The following RTN4IP1 variants were observed in gnomAD, a reference collection of about 807,000 sequenced individuals.
RTN4IP1 encodes NAD(P)H oxidoreductase RTN4IP1, mitochondrial.
A neutral mutation model predicts 46.6 loss-of-function variants in RTN4IP1; 32 were observed. The observed-to-expected ratio is 0.69, with a 90% CI of 0.52 to 0.92. The LOEUF is 0.92. Among genes scored for constraint, RTN4IP1 ranks in the 40% least tolerant of loss-of-function variants. The pLI is 0.00. For synonymous variants in RTN4IP1, 167 were observed against 161.8 expected, an observed-to-expected ratio of 1.03 and a Z score of -0.24; for missense variants, 424 against 485.8, an observed-to-expected ratio of 0.87 and a Z score of 1.20.
chr6:106,620,510 G>A (rs1229333578), intron 3 of RTN4IP1, among the ~76,000 whole-genome samples: 1 of 152,014 alleles, frequency 6.6e-6, no homozygotes, highest in Non-Finnish European at 1.5e-5. Flanking sequence ...ACCTCACAGG[G>A]GTAGGTGCAC....
chr6:106,610,407 A>G (rs923467789), intron 4 of RTN4IP1, among the ~76,000 whole-genome samples: 1 of 152,174 alleles, frequency 6.6e-6, no homozygotes, highest in Non-Finnish European at 1.5e-5. Flanking sequence ...TCGGTCTTCT[A>G]AAGTCTGAAG....
At chr6:106,597,236 A>G (rs1424775910) in intron 5 of RTN4IP1, among the ~76,000 whole-genome samples, 3 of 152,170 alleles carry the variant, frequency 2.0e-5, no homozygotes, top group African/African-American at 7.2e-5. Flanking sequence ...TATTGTTTTA[A>G]TATGGGTTCA....
intron 8 of RTN4IP1, 37 bp from the exon 9 acceptor site, chr6:106,572,140 G>T: frequency 6.7e-7 from 1 of 1,496,194 alleles, no homozygotes; most frequent in Non-Finnish European, 9.3e-7. Context: ...GGATAAAAAA[G>T]CCTACATCTT....
At chr6:106,583,477 T>G (rs1775417001) in intron 7 of RTN4IP1, 57 bp from the exon 8 acceptor site, 2 of 1,409,218 alleles carry the variant, frequency 1.4e-6, no homozygotes, top group East Asian at 4.7e-5. Flanking sequence ...TCTGACTAAA[T>G]GCAGATTTAG....
intron 4 of RTN4IP1, among the ~76,000 whole-genome samples, chr6:106,604,229 T>C (rs544245424): frequency 2.0e-5 from 3 of 152,318 alleles, no homozygotes; most frequent in East Asian, 3.9e-4. Context: ...CCCTTATTTA[T>C]AGCTTAACAG....
At chr6:106,629,754 C>T, upstream of RTN4IP1, 2 of 1,579,986 alleles carry the variant, frequency 1.3e-6, no homozygotes, top group South Asian at 1.2e-5. Flanking sequence ...GAAAGTTTAA[C>T]GGACTTCGTT....
chr6:106,614,689 C>T (rs572589119), intron 4 of RTN4IP1, among the ~76,000 whole-genome samples: 1 of 152,142 alleles, frequency 6.6e-6, no homozygotes, highest in Non-Finnish European at 1.5e-5. Context: ...AAGTGTTCAA[C>T]AATGCCAGCT....
chr6:106,620,342 A>T (rs1187108712), intron 3 of RTN4IP1, among the ~76,000 whole-genome samples: 1 of 152,086 alleles, frequency 6.6e-6, no homozygotes, highest in Admixed American at 6.5e-5. Flanking sequence ...TGACCTTGTG[A>T]TCCACGCACC....
At chr6:106,630,113 A>G (rs1030200211), upstream of RTN4IP1, among the ~76,000 whole-genome samples, 1 of 152,074 alleles carries the variant, frequency 6.6e-6, no homozygotes, top group Non-Finnish European at 1.5e-5. Flanking sequence ...TCAAATGAGT[A>G]ATTTTTGGCT....
At chr6:106,585,933 G>C (rs538970189) in intron 7 of RTN4IP1, among the ~76,000 whole-genome samples, 1 of 152,318 alleles carries the variant, frequency 6.6e-6, no homozygotes, top group South Asian at 2.1e-4. Context: ...TCTGGGTTTT[G>C]TGAAAGAGAA....
intron 7 of RTN4IP1, among the ~76,000 whole-genome samples, chr6:106,586,623 T>C: frequency 6.6e-6 from 1 of 152,108 alleles, no homozygotes; most frequent in South Asian, 2.1e-4. Context: ...TCCTCCCATC[T>C]CCACCTCCCA....
intron 5 of RTN4IP1, 83 bp from the exon 6 acceptor site, chr6:106,592,383 C>G (rs1446377395): frequency 7.2e-7 from 1 of 1,394,128 alleles, no homozygotes; most frequent in African/African-American, 1.5e-5. Context: ...ATCATTGGCA[C>G]CATGTATACA....
chr6:106,584,359 G>C (rs1775437530), intron 7 of RTN4IP1, among the ~76,000 whole-genome samples: 1 of 152,192 alleles, frequency 6.6e-6, no homozygotes, highest in Non-Finnish European at 1.5e-5. Flanking sequence ...TGGGAGCAAT[G>C]TGAGGTAGCA....
intron 5 of RTN4IP1, among the ~76,000 whole-genome samples, chr6:106,600,408 T>C (rs1775914174): frequency 6.6e-6 from 1 of 152,180 alleles, no homozygotes; most frequent in South Asian, 2.1e-4. Flanking sequence ...TTGTTTTATT[T>C]GAGGTAAAAT....
At chr6:106,625,142 T>C (rs1261563132) in intron 1 of RTN4IP1, among the ~76,000 whole-genome samples, 1 of 151,696 alleles carries the variant, frequency 6.6e-6, no homozygotes, top group Admixed American at 6.6e-5. Context: ...TCTCTTCTGC[T>C]TGACCTTTTT....
intron 5 of RTN4IP1, among the ~76,000 whole-genome samples, chr6:106,596,807 T>C (rs1293437465): frequency 6.6e-6 from 1 of 152,236 alleles, no homozygotes; most frequent in African/African-American, 2.4e-5. Flanking sequence ...ACGTTCTTCA[T>C]GTTGATAACA....
chr6:106,601,927 T>G (rs970705551), intron 5 of RTN4IP1, among the ~76,000 whole-genome samples: 18 of 152,084 alleles, frequency 1.2e-4, no homozygotes, highest in African/African-American at 4.4e-4. Context: ...GTTGTTTTTC[T>G]TTTTTTAATA....
At chr6:106,616,438 G>T (rs1469808794) in intron 4 of RTN4IP1, among the ~76,000 whole-genome samples, 2 of 151,962 alleles carry the variant, frequency 1.3e-5, no homozygotes, top group Non-Finnish European at 2.9e-5. Flanking sequence ...ATCTTCCAAG[G>T]TGCTGATAGG....
intron 5 of RTN4IP1, among the ~76,000 whole-genome samples, chr6:106,600,644 T>A (rs1439019724): frequency 6.6e-6 from 1 of 151,994 alleles, no homozygotes; most frequent in African/African-American, 2.4e-5. Flanking sequence ...TTGCCTATTC[T>A]AAACATACGA....
Sources: gnomAD v4.1 joint callset for allele counts (sites outside exome capture counted in the v4.1 genomes callset) on GRCh38, gnomAD v4.1.1 for gene constraint, MANE v1.5 for transcripts, NCBI Gene and HGNC (gene_info 2026-07-23, HGNC 2026-07-21) for gene names.